The following UBA6 variants were observed in gnomAD, a reference collection of about 807,000 sequenced individuals.
The protein encoded by UBA6 is ubiquitin-like modifier-activating enzyme 6.
Under a neutral mutation model 148.3 loss-of-function variants are expected in UBA6, and 87 were observed. The observed-to-expected ratio is 0.59, with a 90% CI of 0.49 to 0.70. The LOEUF is 0.70. UBA6 is among the 30% of genes least tolerant of loss of function. The probability of loss-of-function intolerance (pLI) is 0.00; values close to 1 mark genes in which losing one functional copy is unlikely to be tolerated. For missense variants in UBA6, 1,186 were observed against 1,241.2 expected (o/e 0.96, Z 0.67); for synonymous variants, 376 against 401.0 (o/e 0.94, Z 0.75).
intron 2 of UBA6, among the ~76,000 whole-genome samples, chr4:67,691,955 A>G (rs1730703882): frequency 6.6e-6 from 1 of 152,210 alleles, no homozygotes; most frequent in Admixed American, 6.5e-5. Flanking sequence ...GATTTGAGAA[A>G]AAGCGAAGTC....
chr4:67,652,830 C>A (rs951748912), intron 13 of UBA6, among the ~76,000 whole-genome samples: 13 of 152,236 alleles, frequency 8.5e-5, no homozygotes, highest in African/African-American at 2.2e-4. Context: ...CCAAATACTG[C>A]ACTTTCCTCA....
At chr4:67,671,291 A>G (rs2109940601) in intron 7 of UBA6, among the ~76,000 whole-genome samples, 1 of 152,322 alleles carries the variant, frequency 6.6e-6, no homozygotes. Flanking sequence ...ATGTTTTTCT[A>G]ACATAATTAA....
intron 19 of UBA6, among the ~76,000 whole-genome samples, chr4:67,636,004 T>C (rs1729129977): frequency 6.6e-6 from 1 of 152,200 alleles, no homozygotes; most frequent in Non-Finnish European, 1.5e-5. Context: ...GGCCCAAGAT[T>C]ACATACTTTT....
intron 10 of UBA6, 50 bp from the exon 11 acceptor site, chr4:67,663,997 G>C (rs1326503494): frequency 7.0e-7 from 1 of 1,435,420 alleles, no homozygotes; most frequent in Non-Finnish European, 9.7e-7. Flanking sequence ...GTGATTATTT[G>C]ACAAAATATA....
At chr4:67,657,818 CAA>C (rs1729736849) in intron 13 of UBA6, among the ~76,000 whole-genome samples, 1 of 42,232 alleles carries the variant, frequency 2.4e-5, no homozygotes, top group Non-Finnish European at 5.1e-5. Context: ...AGAACTTAAA[CAA>C]ATTTACAAAA....
At position 67,636,915 on chromosome 4, in the gene UBA6, C is replaced by G. The variant is rs552689937; in HGVS notation, c.1737-1357G>C. 2.9e-4 allele frequency among the ~76,000 whole-genome samples: 44 copies of G among 151,800 alleles called. No homozygotes were observed. The South Asian group carries it at 9.0e-3, about 31-fold the overall frequency. On this transcript the variant is annotated intron_variant, in intron 19 of 32. Transcript: ENST00000322244. ...CCAGTCTGGGAAGTGAGGAGCGCCT[C>G]TTCCCGGCCGCCATCCCGTCTAGGA...
rs1728636908 is a variant in UBA6 at position 67,616,823 on chromosome 4, A to G, written c.*2174T>C. On this transcript the variant is annotated 3_prime_UTR_variant, in exon 33 of 33. Coordinates refer to ENST00000322244, the MANE Select transcript of UBA6 (RefSeq NM_018227.6). ...AAGATATTCTTACATTTCTTAATTT[A>G]TTTTTAATAAGTAAAAAATACTCAT... 6.6e-6 allele frequency: 1 copy of G among 152,146 alleles called. No homozygotes were observed. The highest frequency in any genetic ancestry group is 2.1e-4 in the South Asian group (1 of 4,836). 9.4% of individuals were successfully genotyped at this position (152,146 alleles called of 1,614,324 possible). A position where few individuals can be genotyped will look rare whatever the true frequency, so the allele number is the denominator to read the frequency against.
Position 67,644,206 on chromosome 4 carries a change from T to A in UBA6, c.1476+492A>T, listed in dbSNP as rs185222508. ...TTAAATATATGACATGGCTTGCAAT[T>A]AACTCACATTTAGAGTCTTAAGAAT... On this transcript the variant is annotated intron_variant, in intron 17 of 32. Transcript: ENST00000322244. Among the ~76,000 whole-genome samples, 141 of 152,224 alleles carry A rather than the reference T, an allele frequency of 9.3e-4. 4 individuals carry two copies. Among genetic ancestry groups the A allele is most frequent in the Non-Finnish European group, 1.5e-4 (10 of 67,938 alleles).
intron 2 of UBA6, among the ~76,000 whole-genome samples, chr4:67,687,904 A>C (rs35387622): frequency 0.2 from 31,073 of 152,078 alleles, 3,419 homozygotes; most frequent in Middle Eastern, 0.3. Context: ...TTAACAGTTA[A>C]AAAAGAAAAA....
rs147929615 is a variant in UBA6, at chr4:67,631,363, C to G, written c.2258+345G>C. Among the ~76,000 whole-genome samples, 567 of 152,126 alleles carry G rather than the reference C, an allele frequency of 3.7e-3. 3 individuals are homozygous for G. The highest frequency in any genetic ancestry group is 0.013 in the African/African-American group (546 of 41,498). Reference sequence around the variant, plus strand: ...GTTATTCAGTAGTAATTATTTGTTCCTCCATATAACTGAAGATTCTTATAT... The same window carrying G: ...GTTATTCAGTAGTAATTATTTGTTCGTCCATATAACTGAAGATTCTTATAT... On this transcript the variant is annotated intron_variant, in intron 25 of 32. Coordinates refer to ENST00000322244, the MANE Select transcript of UBA6 (RefSeq NM_018227.6).
In UBA6 at chr4:67,618,954, T is replaced by C. The variant is rs764030375; in HGVS notation, c.*43A>G. ...TAGCTTCTGAATTAAGTGCACTCTT[T>C]CCAAAATCAAGTGGTCCTGGAGTAA... On this transcript the variant is annotated 3_prime_UTR_variant, in exon 33 of 33. Transcript: ENST00000322244. 5.0e-6 allele frequency: 8 copies of C among 1,588,684 alleles called. No homozygotes were observed. In the African/African-American group the frequency reaches 8.2e-5, roughly 16 times the overall value.
At chr4:67,695,418 G>A (rs1218849849) in intron 2 of UBA6, among the ~76,000 whole-genome samples, 1 of 152,094 alleles carries the variant, frequency 6.6e-6, no homozygotes, top group South Asian at 2.1e-4. Flanking sequence ...TTAAAATATT[G>A]TATTACAAAT....
intron 28 of UBA6, 148 bp from the exon 29 acceptor site, chr4:67,625,335 T>C (rs867570850): frequency 1.7e-6 from 1 of 590,598 alleles, no homozygotes; most frequent in East Asian, 3.1e-5. Flanking sequence ...AGGCAACTAA[T>C]GTTATTGAAG....
chr4:67,689,848 A>G (rs1338585642), intron 2 of UBA6, among the ~76,000 whole-genome samples: 1 of 152,130 alleles, frequency 6.6e-6, no homozygotes, highest in Non-Finnish European at 1.5e-5. Context: ...TAATCATTCA[A>G]TAATCATTTA....
At chr4:67,682,448 G>T (rs2109951429) in intron 2 of UBA6, among the ~76,000 whole-genome samples, 1 of 152,270 alleles carries the variant, frequency 6.6e-6, no homozygotes, top group South Asian at 2.1e-4. Context: ...GACAGATGGA[G>T]GTGAGTAAGA....
Position 67,637,747 on chromosome 4 carries a change from C to T in UBA6, c.1736+1196G>A, listed in dbSNP as rs553908492. Among the ~76,000 whole-genome samples, 26 of 152,156 alleles carry T rather than the reference C, an allele frequency of 1.7e-4. No homozygotes were observed. The South Asian group carries it at 4.8e-3, about 28-fold the overall frequency. ...AACAGATGCCTGAAGGCAGCATGCT[C>T]GTCAAGAGTCATCACCACTCCCTAA... is the stretch of plus-strand genomic sequence containing the variant. On this transcript the variant is annotated intron_variant, in intron 19 of 32. Coordinates refer to ENST00000322244, the MANE Select transcript of UBA6 (RefSeq NM_018227.6).
rs369934681 is a variant in UBA6 at position 67,647,438 on chromosome 4, G to A, written c.1249-647C>T. ...TGGTATTACAGGCATGAGCCACTGC[G>A]CCCAGTCATAATTTGATTACTTTTT... is the stretch of plus-strand genomic sequence containing the variant. On this transcript the variant is annotated intron_variant, in intron 14 of 32. Transcript: ENST00000322244. 3.8e-3 allele frequency among the ~76,000 whole-genome samples: 576 copies of A among 152,096 alleles called. 3 individuals are homozygous for A. The highest frequency in any genetic ancestry group is 4.5e-3 in the African/African-American group (187 of 41,478).
rs1221970981 is a variant in UBA6 at position 67,681,589 on chromosome 4, T to C, written c.232A>G (p.Lys78Glu). The C allele has an allele frequency of 3.8e-6, 6 of 1,581,594 alleles. No individual in the cohort carries two copies. The highest frequency in any genetic ancestry group is 1.4e-5 in the African/African-American group (1 of 72,596). ...TTAATCCCTGCAAGAACAAGATTCT[T>C]TGCTAGAAAGGCAAAAGAAAAAGGA... ...GMGGLGLEIA[K>E]NLVLAGIKAV... Residue 78 changes from lysine (K) to glutamate (E), a missense_variant and splice_region_variant, in exon 4 of 33, where the codon AAG becomes GAG. Physicochemically the swap from Lys to Glu is moderately conservative, Grantham distance 56 (BLOSUM62 1). Transcript: ENST00000322244.
At chr4:67,633,868 A>G (rs774232886) in intron 22 of UBA6, among the ~76,000 whole-genome samples, 38 of 152,166 alleles carry the variant, frequency 2.5e-4, no homozygotes, top group African/African-American at 6.8e-4. Flanking sequence ...TATAAGAGTA[A>G]TAAGTCTTGG....
Sources: allele counts gnomAD v4.1 joint callset (sites outside exome capture counted in the v4.1 genomes callset), GRCh38; gene constraint gnomAD v4.1.1; transcripts MANE v1.5; gene names NCBI Gene and HGNC (gene_info 2026-07-23, HGNC 2026-07-21).